Variants in PARD6G observed in about 807,000 individuals in gnomAD.
PARD6G encodes par-6 family cell polarity regulator gamma.
Under a neutral mutation model 10.7 loss-of-function variants are expected in PARD6G, and 7 were observed. That is an observed-to-expected ratio of 0.66 (90% CI 0.37 to 1.23). The LOEUF (loss-of-function observed/expected upper bound fraction) is 1.23. PARD6G is among the 50% of genes most tolerant of loss of function. PARD6G has a pLI of 0.02. For missense variants in PARD6G, 548 were observed against 571.8 expected, an observed-to-expected ratio of 0.96 and a Z score of 0.42; for synonymous variants, 287 against 269.4, an observed-to-expected ratio of 1.07 and a Z score of -0.64.
At chr18:80,191,715 C>T (rs780753514) in intron 2 of PARD6G, among the ~76,000 whole-genome samples, 3 of 152,242 alleles carry the variant, frequency 2.0e-5, no homozygotes, top group Non-Finnish European at 2.9e-5. Flanking sequence ...AAGTGGGACC[C>T]TTGGACTTGG....
Position 80,188,273 on chromosome 18 carries a change from T to A in PARD6G, c.295+14437A>T, listed in dbSNP as rs1599856894. Among the ~76,000 whole-genome samples the A allele has an allele frequency of 6.6e-6, 1 of 152,018 alleles. No homozygotes were observed. The highest frequency in any genetic ancestry group is 2.4e-5 in the African/African-American group (1 of 41,378). On this transcript the variant is annotated intron_variant, in intron 2 of 2. Transcript: ENST00000353265. The surrounding 1 kb of genome is among the most constrained non-coding windows in gnomAD (Gnocchi z 5.4). ...TGGCCTCTCCCTAAGGGCGTGGAGG[T>A]GGCCTGATCTCACTGCCTGCGTCAG...
rs1453302360 is a variant in PARD6G at position 80,201,427 on chromosome 18, G to A, written c.295+1283C>T. Among the ~76,000 whole-genome samples the A allele has an allele frequency of 6.6e-6, 1 of 152,220 alleles. No homozygotes were observed. Among genetic ancestry groups the A allele is most frequent in the Non-Finnish European group, 1.5e-5 (1 of 68,044 alleles). On this transcript the variant is annotated intron_variant, in intron 2 of 2. Transcript: ENST00000353265. The surrounding 1 kb of genome is among the most constrained non-coding windows in gnomAD (Gnocchi z 5.9). ...GGCTGTGCAGAGCCATGCAGAGACA[G>A]CGAGGGTCCTTGCCCCCAGCAACCC...
chr18:80,190,270 GCAAA>G (rs1268968506), intron 2 of PARD6G, among the ~76,000 whole-genome samples: 3 of 41,896 alleles, frequency 7.2e-5, no homozygotes, highest in Non-Finnish European at 1.9e-4. Flanking sequence ...CTGTGCACCG[GCAAA>G]CAATCCGGGC....
At chr18:80,226,835 C>T (rs1294490806) in intron 1 of PARD6G, among the ~76,000 whole-genome samples, 3 of 152,184 alleles carry the variant, frequency 2.0e-5, no homozygotes, top group African/African-American at 2.4e-5. Flanking sequence ...CAAGCAGCCA[C>T]AAATTTAAAA....
At chr18:80,214,882 C>T (rs1967147483) in intron 1 of PARD6G, among the ~76,000 whole-genome samples, 1 of 152,032 alleles carries the variant, frequency 6.6e-6, no homozygotes, top group South Asian at 2.1e-4. Context: ...ATCCTACTTG[C>T]AGTTTGTTAA....
At chr18:80,165,755 C>A (rs1457252478) in intron 2 of PARD6G, among the ~76,000 whole-genome samples, 1 of 152,290 alleles carries the variant, frequency 6.6e-6, no homozygotes, top group East Asian at 1.9e-4. Context: ...TGGTGTTGAA[C>A]TGTTAACCTC....
At chr18:80,219,660 G>A (rs1232859667) in intron 1 of PARD6G, among the ~76,000 whole-genome samples, 1 of 152,154 alleles carries the variant, frequency 6.6e-6, no homozygotes, top group African/African-American at 2.4e-5. Flanking sequence ...CTAGGGCAGG[G>A]ACAAAATGCC....
At chr18:80,218,541 C>T (rs116101735) in intron 1 of PARD6G, among the ~76,000 whole-genome samples, 5 of 152,164 alleles carry the variant, frequency 3.3e-5, no homozygotes, top group Non-Finnish European at 7.3e-5. Flanking sequence ...TTGTCAGGTA[C>T]GGCTCCCCTC....
intron 1 of PARD6G, among the ~76,000 whole-genome samples, chr18:80,206,917 T>C (rs1228300717): frequency 6.6e-6 from 1 of 151,340 alleles, no homozygotes; most frequent in Admixed American, 6.6e-5. Context: ...ATTCTTCAGA[T>C]GTTTACTTGG....
chr18:80,214,669 G>A (rs1372274820), intron 1 of PARD6G, among the ~76,000 whole-genome samples: 1 of 151,920 alleles, frequency 6.6e-6, no homozygotes, highest in Non-Finnish European at 1.5e-5. Context: ...TCCAATCAGA[G>A]GAGCAGAAAG....
chr18:80,174,920 G>A (rs184337063), intron 2 of PARD6G, among the ~76,000 whole-genome samples: 154 of 152,166 alleles, frequency 1.0e-3, no homozygotes, highest in African/African-American at 2.9e-3. Context: ...CTGCACTCCA[G>A]CCTGGGCGAC....
At chr18:80,199,862 C>T (rs1423971499) in intron 2 of PARD6G, among the ~76,000 whole-genome samples, 1 of 152,152 alleles carries the variant, frequency 6.6e-6, no homozygotes, top group Non-Finnish European at 1.5e-5. Flanking sequence ...CCAGGCTTGT[C>T]TCGAACTCCT....
chr18:80,160,093 G>A lies in PARD6G; in HGVS notation c.809C>T (p.Ser270Leu), dbSNP rs770019993. The A allele has an allele frequency of 1.2e-6, 2 of 1,601,778 alleles. No homozygotes were observed. Among genetic ancestry groups the A allele is most frequent in the South Asian group, 2.2e-5 (2 of 89,654 alleles). The change falls in exon 3 of 3, where the codon TCG (serine) becomes TTG (leucine). Residue 270 changes from serine to leucine, a missense_variant. This residue lies in a region of PARD6G where 313 missense variants were observed against 279.9 expected (regional missense o/e 1.12). Coordinates refer to ENST00000353265, the MANE Select transcript of PARD6G (RefSeq NM_032510.4). ...GRALGSSGPP[S>L]DGTAGFVGPP... ...ACCCACGAAGCCCGCGGTGCCGTCC[G>A]AGGGCGGTCCCGAGCTGCCCAACGC...
Position 80,246,720 on chromosome 18 carries a change from G to C in PARD6G, c.72+557C>G. Among the ~76,000 whole-genome samples, 1 of 152,062 alleles carries C rather than the reference G, an allele frequency of 6.6e-6. No individual in the cohort carries two copies. Among genetic ancestry groups the C allele is most frequent in the South Asian group, 2.1e-4 (1 of 4,822 alleles). On this transcript the variant is annotated intron_variant, in intron 1 of 2. Coordinates refer to ENST00000353265, the MANE Select transcript of PARD6G (RefSeq NM_032510.4). This position sits in a 1 kb window ranked among gnomAD's most constrained non-coding sequence, Gnocchi z 6.7. ...GGGGAGAGCCGGGTGCGTGCTCTGG[G>C]TCTGCGCGGGGGAGCGCGCCTGGTG...
chr18:80,210,414 T>C (rs182677107), intron 1 of PARD6G, among the ~76,000 whole-genome samples: 398 of 152,296 alleles, frequency 2.6e-3, no homozygotes, highest in Non-Finnish European at 4.5e-3. Context: ...TCACTTCCTA[T>C]CCACCTCTCA....
chr18:80,179,223 A>AT (rs34650022), intron 2 of PARD6G, among the ~76,000 whole-genome samples: 37,404 of 139,102 alleles, frequency 0.27, 6,373 homozygotes, highest in Non-Finnish European at 0.4. Context: ...GGCTGCAGTC[A>AT]TTTTTTTTTT....
At chr18:80,236,198 A>T (rs1170278435) in intron 1 of PARD6G, among the ~76,000 whole-genome samples, 1 of 152,178 alleles carries the variant, frequency 6.6e-6, no homozygotes, top group African/African-American at 2.4e-5. Context: ...TGGTTCAACA[A>T]GCACAAATCA....
intron 1 of PARD6G, among the ~76,000 whole-genome samples, chr18:80,241,335 T>G (rs1441054795): frequency 6.6e-6 from 1 of 152,170 alleles, no homozygotes; most frequent in Admixed American, 6.6e-5. Flanking sequence ...ATGAGCTTTA[T>G]GACCTTCGGC....
At chr18:80,210,256 T>C (rs912988730) in intron 1 of PARD6G, among the ~76,000 whole-genome samples, 4 of 152,228 alleles carry the variant, frequency 2.6e-5, no homozygotes, top group African/African-American at 9.6e-5. Flanking sequence ...TCTCTGCTTA[T>C]CCATTAAAGA....
Sources: allele counts gnomAD v4.1 joint callset (sites outside exome capture counted in the v4.1 genomes callset), GRCh38; gene constraint gnomAD v4.1.1; regional missense constraint gnomAD v4.1.1; non-coding constraint Gnocchi (gnomAD v3.1); transcripts MANE v1.5; gene names NCBI Gene and HGNC (gene_info 2026-07-23, HGNC 2026-07-21).